Variants in VAMP7 observed in about 807,000 individuals in gnomAD.
VAMP7 encodes the protein vesicle-associated membrane protein 7.
Under a neutral mutation model 29.6 loss-of-function variants are expected in VAMP7, and 14 were observed. The observed-to-expected ratio is 0.47, with a 90% confidence interval of 0.31 to 0.74. The LOEUF is 0.74. Among genes scored for constraint, VAMP7 ranks in the 30% least tolerant of loss-of-function variants. The pLI, the probability that VAMP7 is intolerant of heterozygous loss-of-function variation, is 0.05. For missense variants in VAMP7, 223 were observed against 262.4 expected (o/e 0.85, Z 1.04); for synonymous variants, 95 against 88.1 (o/e 1.08, Z -0.44).
rs774113317 is a variant in VAMP7, at chrX:155,905,291, A to G, written c.433+4704A>G. ...TTATTTGTCTTTTTATGGTTGAGCT[A>G]TAACAGTACTTTATATATTCTGGAT... On this transcript the variant is annotated intron_variant, in intron 5 of 7. Coordinates refer to ENST00000286448, the MANE Select transcript of VAMP7 (RefSeq NM_005638.6). 6.8e-4 allele frequency among the ~76,000 whole-genome samples: 104 copies of G among 152,164 alleles called. 4 individuals carry two copies. In the South Asian group the frequency reaches 0.021, roughly 30 times the overall value.
intron 3 of VAMP7, among the ~76,000 whole-genome samples, chrX:155,896,334 G>A (rs1489537465): frequency 2.0e-5 from 3 of 152,036 alleles, no homozygotes; most frequent in Non-Finnish European, 4.4e-5. Flanking sequence ...AATTGTTTAC[G>A]TGGAATGTTA....
At chrX:155,911,806 T>G (rs1478212248) in intron 5 of VAMP7, among the ~76,000 whole-genome samples, 2 of 152,204 alleles carry the variant, frequency 1.3e-5, no homozygotes, top group Non-Finnish European at 2.9e-5. Context: ...GTATGTTGAT[T>G]CTGTATCCTG....
Position 155,883,370 on chromosome X carries a change from A to T in VAMP7, c.-10+1922A>T, listed in dbSNP as rs547396209. On this transcript the variant is annotated intron_variant, in intron 1 of 7. Coordinates refer to ENST00000286448, the MANE Select transcript of VAMP7 (RefSeq NM_005638.6). Reference sequence around the variant, plus strand: ...TCTTCCATCCATCCCTCCTAAAAGGATCTCCCATCTCTTCCCAAGCACCTT... The same window carrying T: ...TCTTCCATCCATCCCTCCTAAAAGGTTCTCCCATCTCTTCCCAAGCACCTT... Among the ~76,000 whole-genome samples the T allele has an allele frequency of 2.6e-4, 40 of 152,132 alleles. No homozygotes were observed. In the South Asian group the frequency reaches 7.5e-3, roughly 29 times the overall value.
At chrX:155,885,156 G>A (rs1474109390) in intron 1 of VAMP7, among the ~76,000 whole-genome samples, 6 of 152,036 alleles carry the variant, frequency 3.9e-5, no homozygotes, top group African/African-American at 9.7e-5. Context: ...TTCCCTTATA[G>A]CATATCTTTT....
Position 155,899,150 on chromosome X carries a change from A to G in VAMP7, c.342+901A>G, listed in dbSNP as rs944698857. ...CATATGTTTTTATTTCTCTCTGATA[A>G]ATACCTAGGAATGGAATTGCTGGGT... On this transcript the variant is annotated intron_variant, in intron 4 of 7. Coordinates refer to ENST00000286448, the MANE Select transcript of VAMP7 (RefSeq NM_005638.6). Among the ~76,000 whole-genome samples, 76 of 151,878 alleles carry G rather than the reference A, an allele frequency of 5.0e-4. 1 individual carries two copies. The highest frequency in any genetic ancestry group is 8.4e-4 in the Non-Finnish European group (57 of 67,920).
chrX:155,887,861 G>A (rs1168793851), intron 1 of VAMP7, among the ~76,000 whole-genome samples: 3 of 151,560 alleles, frequency 2.0e-5, no homozygotes, highest in Non-Finnish European at 4.4e-5. Flanking sequence ...AGCCTGATAA[G>A]TGGAGGCTGT....
At chrX:155,903,358 A>G (rs985704914) in intron 5 of VAMP7, among the ~76,000 whole-genome samples, 6 of 152,206 alleles carry the variant, frequency 3.9e-5, no homozygotes, top group Admixed American at 2.6e-4. Context: ...GACAAATGCG[A>G]TCTAATTAAA....
chrX:155,902,809 A>G (rs6642251), intron 5 of VAMP7, among the ~76,000 whole-genome samples: 88,052 of 146,814 alleles, frequency 0.6, 26,434 homozygotes, highest in East Asian at 0.68. Context: ...ATGTTCATCA[A>G]GGATATTGGT....
At chrX:155,935,090 C>T (rs963351416) in intron 6 of VAMP7, among the ~76,000 whole-genome samples, 9 of 152,104 alleles carry the variant, frequency 5.9e-5, no homozygotes, top group African/African-American at 2.2e-4. Context: ...TGATGGGCTT[C>T]CCTTTGTGGG....
chrX:155,921,951 ATC>A (rs1313478980), intron 6 of VAMP7, among the ~76,000 whole-genome samples: 1 of 152,034 alleles, frequency 6.6e-6, no homozygotes, highest in Non-Finnish European at 1.5e-5. Flanking sequence ...AACGTGACAT[ATC>A]TCTGCTTTTG....
intron 5 of VAMP7, 58 bp downstream of exon 5, chrX:155,900,645 TG>T: frequency 6.9e-7 from 1 of 1,449,274 alleles, no homozygotes; most frequent in Non-Finnish European, 9.5e-7. Context: ...ATTACTTGAC[TG>T]GGGTCAAATT....
At chrX:155,928,991 A>G (rs1479147872) in intron 6 of VAMP7, among the ~76,000 whole-genome samples, 1 of 152,200 alleles carries the variant, frequency 6.6e-6, no homozygotes, top group Non-Finnish European at 1.5e-5. Flanking sequence ...CATTTTCTTC[A>G]TATGAGTTTG....
intron 6 of VAMP7, among the ~76,000 whole-genome samples, chrX:155,923,426 C>T (rs1178242855): frequency 5.6e-5 from 8 of 144,094 alleles, no homozygotes; most frequent in Non-Finnish European, 1.1e-4. Context: ...ATTTCACTTC[C>T]TTTTTTTTTT....
intron 1 of VAMP7, among the ~76,000 whole-genome samples, chrX:155,889,253 G>A (rs2065899370): frequency 6.6e-6 from 1 of 152,022 alleles, no homozygotes; most frequent in Non-Finnish European, 1.5e-5. Context: ...TTATATGAAT[G>A]CATACAAGCA....
chrX:155,890,488 G>A (rs2065914410), intron 2 of VAMP7, among the ~76,000 whole-genome samples: 1 of 152,108 alleles, frequency 6.6e-6, no homozygotes, highest in South Asian at 2.1e-4. Flanking sequence ...AGCCTCCTGA[G>A]TAGCTGGGAT....
Position 155,913,454 on chromosome X carries a change from A to G in VAMP7, c.434-6359A>G, listed in dbSNP as rs1248468453. Among the ~76,000 whole-genome samples, 5 of 152,078 alleles carry G rather than the reference A, an allele frequency of 3.3e-5. 1 individual carries two copies. In the South Asian group the frequency reaches 8.3e-4, roughly 25 times the overall value. ...AGTCATGAAATCTTTGCCCATACCT[A>G]TGTCCTGAATGGTATTGCCCAGGTT... is the stretch of plus-strand genomic sequence containing the variant. On this transcript the variant is annotated intron_variant, in intron 5 of 7. Transcript: ENST00000286448.
chrX:155,888,110 TC>T (rs1281305244), intron 1 of VAMP7, among the ~76,000 whole-genome samples: 1 of 152,216 alleles, frequency 6.6e-6, no homozygotes, highest in East Asian at 1.9e-4. Context: ...GGGAACAACT[TC>T]AGTTAGAGAG....
chrX:155,895,437 T>C (rs1191831637), intron 2 of VAMP7, among the ~76,000 whole-genome samples, 186 bp from the exon 3 acceptor site: 3 of 152,182 alleles, frequency 2.0e-5, no homozygotes, highest in African/African-American at 7.2e-5. Context: ...TTATTTCTTA[T>C]GTACTTCTAT....
At chrX:155,925,039 A>G (rs1294318982) in intron 6 of VAMP7, among the ~76,000 whole-genome samples, 3 of 152,206 alleles carry the variant, frequency 2.0e-5, no homozygotes, top group Non-Finnish European at 4.4e-5. Flanking sequence ...AGTTTTATCA[A>G]GAAACTGCAG....
Sources: gnomAD v4.1 joint callset for allele counts (sites outside exome capture counted in the v4.1 genomes callset) on GRCh38, gnomAD v4.1.1 for gene constraint, MANE v1.5 for transcripts, NCBI Gene and HGNC (gene_info 2026-07-23, HGNC 2026-07-21) for gene names.